The following DPYSL2 variants were observed in gnomAD, a reference collection of about 807,000 sequenced individuals.
The protein encoded by DPYSL2 is dihydropyrimidinase like 2.
In DPYSL2, 13 loss-of-function variants were observed where a neutral mutation model predicts 69.9. The ratio of observed to expected loss-of-function variants is 0.19; its 90% CI spans 0.12 to 0.30. The LOEUF (loss-of-function observed/expected upper bound fraction) is 0.30. Ranked by LOEUF, DPYSL2 falls within the 10% of genes least tolerant of loss-of-function variation. DPYSL2 has a pLI of 1.00. For synonymous variants in DPYSL2, 326 were observed against 359.1 expected (o/e 0.91, Z 1.04); for missense variants, 587 against 918.9 (o/e 0.64, Z 4.67).
rs1802205964 is a variant in DPYSL2, at chr8:26,610,747, A to T, written c.629-13396A>T. Among the ~76,000 whole-genome samples, 1 of 152,176 alleles carries T rather than the reference A, an allele frequency of 6.6e-6. No individual in the cohort carries two copies. Among genetic ancestry groups the T allele is most frequent in the African/African-American group, 2.4e-5 (1 of 41,432 alleles). On this transcript the variant is annotated intron_variant, in intron 3 of 13. Coordinates refer to ENST00000521913, the MANE Select transcript of DPYSL2 (RefSeq NM_001197293.3). The surrounding 1 kb of genome is among the most constrained non-coding windows in gnomAD (Gnocchi z 4.5). Reference sequence around the variant, plus strand: ...AACACTTGGAGAAAACTAGTTCTGTACCAGGGATTATGTTCAGCAGGTTTA... The same window carrying T: ...AACACTTGGAGAAAACTAGTTCTGTTCCAGGGATTATGTTCAGCAGGTTTA...
intron 3 of DPYSL2, among the ~76,000 whole-genome samples, chr8:26,608,886 C>G (rs765604025): frequency 6.6e-6 from 1 of 152,206 alleles, no homozygotes; most frequent in Admixed American, 6.5e-5. Context: ...ACCGACTTTT[C>G]CTTCCCTGCT....
At chr8:26,526,532 T>G (rs897499189) in intron 1 of DPYSL2, among the ~76,000 whole-genome samples, 1 of 152,264 alleles carries the variant, frequency 6.6e-6, no homozygotes, top group South Asian at 2.1e-4. Flanking sequence ...AAGGCTTTAT[T>G]CATTATTTCT....
chr8:26,577,786 C>T (rs1801388726), intron 1 of DPYSL2: 1 of 992,080 alleles, frequency 1.0e-6, no homozygotes, highest in African/African-American at 1.7e-5. Context: ...GCATTTCGCG[C>T]TCTCGCGCCG....
rs1034036413 is a variant in DPYSL2 at position 26,643,203 on chromosome 8, T to C, written c.1127-236T>C. Reference sequence around the variant, plus strand: ...GATGTCTGGGATCCTATAGGGAGGGTGTGTTGTTTGAAGAGCAGGGGCTGA... The same window carrying C: ...GATGTCTGGGATCCTATAGGGAGGGCGTGTTGTTTGAAGAGCAGGGGCTGA... On this transcript the variant is annotated intron_variant, in intron 8 of 13. Transcript: ENST00000521913. The surrounding 1 kb of genome is among the most constrained non-coding windows in gnomAD (Gnocchi z 6.5). The C allele has an allele frequency of 3.1e-5, 14 of 446,674 alleles. No homozygotes were observed. The highest frequency in any genetic ancestry group is 5.5e-5 in the Non-Finnish European group (14 of 255,300). The allele number at this position is 446,674 out of a possible 1,614,324, so 27.7% of individuals were successfully genotyped here.
At position 26,591,748 on chromosome 8, in the gene DPYSL2, T is replaced by C. The variant is rs57224828; in HGVS notation, c.628+7765T>C. On this transcript the variant is annotated intron_variant, in intron 3 of 13. Transcript: ENST00000521913. This position sits in a 1 kb window ranked among gnomAD's most constrained non-coding sequence, Gnocchi z 5.8. ...GTGGGGGAGTCCAGATCCTCTCCGC[T>C]TTCTCTTTGTCATCCCCCCATGGCA... Among the ~76,000 whole-genome samples, 6,558 of 152,270 alleles carry C rather than the reference T, an allele frequency of 0.043. 454 individuals carry two copies. Among genetic ancestry groups the C allele is most frequent in the African/African-American group, 0.15 (6,192 of 41,540 alleles).
intron 11 of DPYSL2, among the ~76,000 whole-genome samples, chr8:26,649,015 A>G (rs899195769): frequency 6.6e-6 from 1 of 152,108 alleles, no homozygotes; most frequent in Non-Finnish European, 1.5e-5. Context: ...CTGACTGGCT[A>G]TTTTATGGTC....
rs192145974 is a variant in DPYSL2, at chr8:26,580,134, G to A, written c.355-1835G>A. ...GGCATCATGTTGGCTCGGGATATTCGCGGTGATGGCTGGGGCAGGTACCAC... is the reference window on the plus strand; with the variant it reads ...GGCATCATGTTGGCTCGGGATATTCACGGTGATGGCTGGGGCAGGTACCAC... On this transcript the variant is annotated intron_variant, in intron 1 of 13. Coordinates refer to ENST00000521913, the MANE Select transcript of DPYSL2 (RefSeq NM_001197293.3). The surrounding 1 kb of genome is among the most constrained non-coding windows in gnomAD (Gnocchi z 4.1). Among the ~76,000 whole-genome samples, 1 of 152,102 alleles carries A rather than the reference G, an allele frequency of 6.6e-6. No individual in the cohort carries two copies. The highest frequency in any genetic ancestry group is 6.5e-5 in the Admixed American group (1 of 15,276).
chr8:26,578,188 A>C, intron 1 of DPYSL2: 1 of 1,610,364 alleles, frequency 6.2e-7, no homozygotes, highest in Non-Finnish European at 8.5e-7. Flanking sequence ...AAAAAACCCA[A>C]GTCCCCTTCC....
At chr8:26,590,780 A>G (rs1801708355) in intron 3 of DPYSL2, among the ~76,000 whole-genome samples, 1 of 152,252 alleles carries the variant, frequency 6.6e-6, no homozygotes, top group Admixed American at 6.5e-5. Context: ...CTGGTGCGGT[A>G]CAGGGGAAGG....
At chr8:26,525,953 T>C (rs972626856) in intron 1 of DPYSL2, among the ~76,000 whole-genome samples, 1 of 152,274 alleles carries the variant, frequency 6.6e-6, no homozygotes, top group Non-Finnish European at 1.5e-5. Context: ...GTTTATATTA[T>C]GTCTTACCTC....
intron 1 of DPYSL2, among the ~76,000 whole-genome samples, chr8:26,540,437 G>T (rs765308290): frequency 2.0e-5 from 3 of 152,102 alleles, no homozygotes; most frequent in Non-Finnish European, 4.4e-5. Flanking sequence ...GGGGTAGAAA[G>T]CTCATTTAAA....
chr8:26,597,123 G>A lies in DPYSL2; in HGVS notation c.628+13140G>A, dbSNP rs537887057. The stretch of plus-strand genomic sequence containing the variant: ...CAGCATGGAAGATGCTCACCAAGAC[G>A]GTGGTATATTGGGTGTCTCTTCTCT... On this transcript the variant is annotated intron_variant, in intron 3 of 13. Transcript: ENST00000521913. The surrounding 1 kb of genome is among the most constrained non-coding windows in gnomAD (Gnocchi z 5.2). Among the ~76,000 whole-genome samples the A allele has an allele frequency of 2.0e-5, 3 of 152,270 alleles. No homozygotes were observed. The highest frequency in any genetic ancestry group is 2.1e-4 in the South Asian group (1 of 4,824).
chr8:26,632,922 T>A (rs918460088), intron 7 of DPYSL2, among the ~76,000 whole-genome samples: 1 of 152,234 alleles, frequency 6.6e-6, no homozygotes, highest in African/African-American at 2.4e-5. Context: ...AGACATCCCT[T>A]TTCACATAGT....
At chr8:26,623,667 A>G (rs1466223945) in intron 3 of DPYSL2, among the ~76,000 whole-genome samples, 2 of 152,214 alleles carry the variant, frequency 1.3e-5, no homozygotes, top group Non-Finnish European at 2.9e-5. Flanking sequence ...CAGAAATGTG[A>G]GCGGTAATGA....
chr8:26,608,955 C>T (rs1364825050), intron 3 of DPYSL2, among the ~76,000 whole-genome samples: 1 of 152,174 alleles, frequency 6.6e-6, no homozygotes, highest in Non-Finnish European at 1.5e-5. Flanking sequence ...AGAATAGAGA[C>T]CCGACTCCTC....
chr8:26,543,957 TA>T (rs1266056549), intron 1 of DPYSL2, among the ~76,000 whole-genome samples: 1 of 152,234 alleles, frequency 6.6e-6, no homozygotes, highest in Admixed American at 6.5e-5. Flanking sequence ...AAGTATCTTT[TA>T]AATAGGAACA....
chr8:26,537,135 T>A (rs571850596), intron 1 of DPYSL2, among the ~76,000 whole-genome samples: 1 of 152,342 alleles, frequency 6.6e-6, no homozygotes, highest in African/African-American at 2.4e-5. Context: ...CAAAGGGCTA[T>A]TAGGAAGTAT....
At chr8:26,515,229 C>G (rs903682420) in intron 1 of DPYSL2, among the ~76,000 whole-genome samples, 4 of 152,222 alleles carry the variant, frequency 2.6e-5, no homozygotes, top group African/African-American at 9.6e-5. Flanking sequence ...CCCGGACCCC[C>G]TCCGAGCACC....
At position 26,535,635 on chromosome 8, in the gene DPYSL2, A is replaced by AT. The variant is rs1011684866; in HGVS notation, c.354+20966dup. ...CAGACTGATATATATATATATATAT[A>AT]TTTTTTTTTTCAGTGTAGGGAGCAT... On this transcript the variant is annotated intron_variant, in intron 1 of 13. Transcript: ENST00000521913. 3.2e-3 allele frequency among the ~76,000 whole-genome samples: 473 copies of AT among 145,910 alleles called. 3 individuals are homozygous for AT. Among genetic ancestry groups the AT allele is most frequent in the African/African-American group, 0.012 (440 of 37,774 alleles).
Sources: gnomAD v4.1 joint callset for allele counts (sites outside exome capture counted in the v4.1 genomes callset) on GRCh38, gnomAD v4.1.1 for gene constraint, Gnocchi (gnomAD v3.1) non-coding constraint, MANE v1.5 for transcripts, NCBI Gene and HGNC (gene_info 2026-07-23, HGNC 2026-07-21) for gene names.